Variants in PSD3 observed in about 807,000 individuals in gnomAD.
PSD3 encodes PH and SEC7 domain-containing protein 3.
PSD3 carries 49 observed loss-of-function variants against 105.5 expected under a neutral mutation model. That is an observed-to-expected ratio of 0.46 (90% CI 0.37 to 0.59). PSD3 has a LOEUF of 0.59. Among genes scored for constraint, PSD3 ranks in the 20% least tolerant of loss-of-function variants. PSD3 has a pLI of 0.00. For synonymous variants in PSD3, 557 were observed against 457.8 expected (o/e 1.22, Z -2.77); for missense variants, 1,561 against 1,263.8 (o/e 1.24, Z -3.57).
chr8:18,668,630 G>C (rs1327183398), intron 9 of PSD3, among the ~76,000 whole-genome samples: 2 of 152,144 alleles, frequency 1.3e-5, no homozygotes, highest in East Asian at 1.9e-4. Context: ...CATAGTCTCT[G>C]CTTTTAACTG....
intron 4 of PSD3, chr8:18,808,915 C>G: frequency 6.6e-7 from 1 of 1,510,998 alleles, no homozygotes; most frequent in Non-Finnish European, 8.8e-7. Context: ...TGAGGTCACA[C>G]TACTATGACC....
intron 8 of PSD3, among the ~76,000 whole-genome samples, chr8:18,785,322 T>C (rs1283675075): frequency 6.6e-6 from 1 of 152,202 alleles, no homozygotes; most frequent in African/African-American, 2.4e-5. Context: ...GATTCTACAT[T>C]AGCACTTGCT....
chr8:18,884,620 G>GA lies in PSD3; in HGVS notation c.131-11888dup, dbSNP rs1051220996. On this transcript the variant is annotated intron_variant, in intron 2 of 15. Transcript: ENST00000327040. The stretch of plus-strand genomic sequence containing the variant: ...GATATTTAAGTTGTTTATGTGTTAG[G>GA]AAAAAAATAAAAAAAAACAGGAAAA... Among the ~76,000 whole-genome samples the GA allele has an allele frequency of 2.8e-5, 4 of 142,176 alleles. No homozygotes were observed. In the South Asian group the frequency reaches 6.5e-4, roughly 23 times the overall value. The allele number at this position is 142,176 out of a possible 152,430, so 93.3% of individuals were successfully genotyped here.
intron 4 of PSD3, among the ~76,000 whole-genome samples, chr8:18,848,660 G>C (rs6586778): frequency 0.45 from 67,648 of 152,000 alleles, 15,583 homozygotes; most frequent in Admixed American, 0.52. Flanking sequence ...GTGTAGTGGT[G>C]GGTGCCTATT....
At chr8:18,694,205 C>G (rs996550290) in intron 9 of PSD3, among the ~76,000 whole-genome samples, 4 of 152,204 alleles carry the variant, frequency 2.6e-5, no homozygotes, top group African/African-American at 9.6e-5. Context: ...ACCTGCCCAC[C>G]ACACCCACCT....
At chr8:18,715,278 GA>G (rs1563193846) in intron 9 of PSD3, among the ~76,000 whole-genome samples, 20 of 152,026 alleles carry the variant, frequency 1.3e-4, no homozygotes, top group East Asian at 1.9e-4. Flanking sequence ...AAAATTAAAA[GA>G]AAAAAACATG....
At chr8:18,844,167 C>T (rs74783446) in intron 4 of PSD3, among the ~76,000 whole-genome samples, 7,336 of 151,648 alleles carry the variant, frequency 0.048, 281 homozygotes, top group African/African-American at 0.1. Context: ...TATCTAAGAG[C>T]TGTATCTCCC....
At chr8:18,665,678 A>C (rs77716364) in intron 9 of PSD3, among the ~76,000 whole-genome samples, 6,550 of 152,270 alleles carry the variant, frequency 0.043, 417 homozygotes, top group African/African-American at 0.14. Context: ...TGCTACACAG[A>C]AATCTTTCAT....
intron 15 of PSD3, among the ~76,000 whole-genome samples, chr8:18,538,895 T>C (rs7844662): frequency 0.52 from 79,163 of 151,924 alleles, 21,924 homozygotes; most frequent in Admixed American, 0.65. Flanking sequence ...AGATCAGAAG[T>C]AAAGACAAAG....
At chr8:19,034,319 C>A (rs2048087) in intron 1 of PSD3, among the ~76,000 whole-genome samples, 62,247 of 151,980 alleles carry the variant, frequency 0.41, 12,922 homozygotes, top group Admixed American at 0.45. Flanking sequence ...AAGGATTAAA[C>A]TAGACGTCCT....
chr8:18,584,433 G>T, intron 12 of PSD3, among the ~76,000 whole-genome samples: 1 of 152,206 alleles, frequency 6.6e-6, no homozygotes, highest in East Asian at 1.9e-4. Flanking sequence ...ACACTAATGG[G>T]AAAAATATTA....
At chr8:18,671,958 G>T (rs1482108250) in intron 9 of PSD3, among the ~76,000 whole-genome samples, 1 of 152,000 alleles carries the variant, frequency 6.6e-6, no homozygotes, top group Non-Finnish European at 1.5e-5. Flanking sequence ...TTTATACCCT[G>T]ATCCTCTGAA....
At chr8:18,681,494 T>C (rs1270882521) in intron 9 of PSD3, among the ~76,000 whole-genome samples, 2 of 146,284 alleles carry the variant, frequency 1.4e-5, no homozygotes, top group Middle Eastern at 3.6e-3. Flanking sequence ...GAAACACTGA[T>C]TTAAGGGCTA....
chr8:18,969,664 T>C (rs963128952), intron 1 of PSD3, among the ~76,000 whole-genome samples: 5 of 152,232 alleles, frequency 3.3e-5, no homozygotes, highest in Admixed American at 6.5e-5. Flanking sequence ...CAAATTACTA[T>C]ATGGGATGTT....
intron 8 of PSD3, among the ~76,000 whole-genome samples, chr8:18,766,810 G>C (rs897355009): frequency 1.3e-5 from 2 of 152,206 alleles, no homozygotes; most frequent in Non-Finnish European, 2.9e-5. Flanking sequence ...AAATGTCACA[G>C]AGCAACCTGA....
chr8:18,647,959 G>A (rs772023019), intron 10 of PSD3, among the ~76,000 whole-genome samples: 3 of 152,102 alleles, frequency 2.0e-5, no homozygotes, highest in African/African-American at 2.4e-5. Context: ...GTTTCCCGAG[G>A]CCTCCCCAGA....
Position 18,532,267 on chromosome 8 carries a change from T to C in PSD3, c.*3476A>G, listed in dbSNP as rs563009710. 3.3e-5 allele frequency: 5 copies of C among 152,352 alleles called. No individual in the cohort carries two copies. In the South Asian group the frequency reaches 8.3e-4, roughly 25 times the overall value. 9.4% of individuals were successfully genotyped at this position (152,352 alleles called of 1,614,324 possible). The stretch of plus-strand genomic sequence containing the variant: ...AGTAAGAGGCCTCTTTCCCTGCTGG[T>C]TGCAAAAATTCTTCCACAATCTCAG... On this transcript the variant is annotated 3_prime_UTR_variant, in exon 16 of 16. Coordinates refer to ENST00000327040, the MANE Select transcript of PSD3 (RefSeq NM_015310.4).
chr8:18,809,496 G>A (rs1811506264), intron 4 of PSD3, among the ~76,000 whole-genome samples: 1 of 152,054 alleles, frequency 6.6e-6, no homozygotes, highest in South Asian at 2.1e-4. Flanking sequence ...TAAAAATAGG[G>A]TACCCAATAA....
chr8:18,914,033 C>G (rs1198851597), intron 2 of PSD3, among the ~76,000 whole-genome samples: 4 of 152,066 alleles, frequency 2.6e-5, no homozygotes, highest in Admixed American at 6.5e-5. Context: ...AGACTTGAAC[C>G]TGAAAATCCA....
Sources: gnomAD v4.1 joint callset for allele counts (sites outside exome capture counted in the v4.1 genomes callset) on GRCh38, gnomAD v4.1.1 for gene constraint, MANE v1.5 for transcripts, NCBI Gene and HGNC (gene_info 2026-07-23, HGNC 2026-07-21) for gene names.